The following KCNJ15 variants were observed in gnomAD, a reference collection of about 807,000 sequenced individuals.
KCNJ15 encodes potassium inwardly rectifying channel subfamily J member 15, also known as ATP-sensitive inward rectifier potassium channel 15.
Under a neutral mutation model 23.0 loss-of-function variants are expected in KCNJ15, and 14 were observed. The ratio of observed to expected loss-of-function variants is 0.61; its 90% confidence interval spans 0.40 to 0.95. The LOEUF is 0.95. Among genes scored for constraint, KCNJ15 ranks in the 40% least tolerant of loss-of-function variants. The pLI, the probability that KCNJ15 is intolerant of heterozygous loss-of-function variation, is 0.00. For missense variants in KCNJ15, 388 were observed against 461.8 expected (o/e 0.84, Z 1.46); for synonymous variants, 185 against 183.2 (o/e 1.01, Z -0.08).
chr21:38,249,036 T>A (rs989939540), intron 1 of KCNJ15, among the ~76,000 whole-genome samples: 6 of 152,148 alleles, frequency 3.9e-5, no homozygotes, highest in African/African-American at 1.4e-4. Context: ...TTTGAATCTA[T>A]AGCTAAGACC....
intron 1 of KCNJ15, among the ~76,000 whole-genome samples, chr21:38,266,001 C>T (rs925022803): frequency 1.1e-4 from 16 of 152,028 alleles, no homozygotes; most frequent in African/African-American, 3.4e-4. Context: ...TGCGGGAGGT[C>T]GGCAGTGTGC....
At chr21:38,247,398 A>G (rs1979495049) in intron 1 of KCNJ15, among the ~76,000 whole-genome samples, 1 of 150,664 alleles carries the variant, frequency 6.6e-6, no homozygotes, top group Admixed American at 6.6e-5. Context: ...GTATGGATAA[A>G]CGGATGGATA....
chr21:38,283,471 G>A (rs369457884), intron 1 of KCNJ15, among the ~76,000 whole-genome samples: 1 of 152,096 alleles, frequency 6.6e-6, no homozygotes, highest in East Asian at 1.9e-4. Flanking sequence ...AACATATTTA[G>A]CATTTTTTCA....
At chr21:38,276,920 T>C (rs1014689997) in intron 1 of KCNJ15, among the ~76,000 whole-genome samples, 13 of 152,056 alleles carry the variant, frequency 8.5e-5, no homozygotes, top group African/African-American at 2.9e-4. Flanking sequence ...GATTTTAAGA[T>C]ATTTCAATAT....
chr21:38,270,369 GC>G (rs1488803511), intron 1 of KCNJ15, among the ~76,000 whole-genome samples: 1 of 152,144 alleles, frequency 6.6e-6, no homozygotes, highest in Non-Finnish European at 1.5e-5. Context: ...CTGAGTGCAT[GC>G]AGCTCAGCAT....
At position 38,306,691 on chromosome 21, in the gene KCNJ15, T is replaced by C. The variant is rs1222709386; in HGVS notation, c.*6302T>C. 1 of 152,148 alleles carries C rather than the reference T, an allele frequency of 6.6e-6. No homozygotes were observed. The highest frequency in any genetic ancestry group is 1.5e-5 in the Non-Finnish European group (1 of 68,028). 9.4% of individuals were successfully genotyped at this position (152,148 alleles called of 1,614,324 possible). ...TGTGTTTGTGTACTGACACGAAGTG[T>C]TACGTAGCAGCCAGGAGAGGAAGGA... is the stretch of plus-strand genomic sequence containing the variant. On this transcript the variant is annotated 3_prime_UTR_variant, in exon 3 of 3. Coordinates refer to ENST00000398938, the MANE Select transcript of KCNJ15 (RefSeq NM_170736.3).
intron 1 of KCNJ15, among the ~76,000 whole-genome samples, chr21:38,263,711 T>A (rs1243589931): frequency 6.6e-6 from 1 of 152,106 alleles, no homozygotes; most frequent in Non-Finnish European, 1.5e-5. Context: ...AAAGAACATG[T>A]GTGATGTCCA....
At chr21:38,254,235 G>T (rs187864831), upstream of KCNJ15, among the ~76,000 whole-genome samples, 3 of 152,100 alleles carry the variant, frequency 2.0e-5, no homozygotes, top group Non-Finnish European at 4.4e-5. Context: ...TCACATAGAC[G>T]CGCATTTTAG....
At chr21:38,296,891 C>A (rs546294028) in intron 1 of KCNJ15, 35 bp from the exon 2 acceptor site, 53 of 152,728 alleles carry the variant, frequency 3.5e-4, no homozygotes, top group African/African-American at 1.3e-3. Context: ...CACTTGGTAA[C>A]CATCTATGAA....
At chr21:38,246,085 T>C (rs1224643720) in intron 1 of KCNJ15, among the ~76,000 whole-genome samples, 1 of 152,236 alleles carries the variant, frequency 6.6e-6, no homozygotes. Flanking sequence ...ATAGTCAATA[T>C]GCTATAAGAA....
upstream of KCNJ15, among the ~76,000 whole-genome samples, chr21:38,256,422 C>T (rs1338080799): frequency 3.5e-5 from 5 of 144,418 alleles, no homozygotes; most frequent in Non-Finnish European, 3.0e-5. Context: ...AAAATCAGCT[C>T]AATAAAGGGG....
chr21:38,235,151 T>G (rs148279358), intron 1 of KCNJ15, among the ~76,000 whole-genome samples: 217 of 152,380 alleles, frequency 1.4e-3, no homozygotes, highest in African/African-American at 5.0e-3. Context: ...CACTCTTTTT[T>G]GAAGGTTCTT....
intron 1 of KCNJ15, among the ~76,000 whole-genome samples, chr21:38,273,268 C>G (rs1265283199): frequency 2.0e-5 from 3 of 152,128 alleles, no homozygotes; most frequent in African/African-American, 7.2e-5. Flanking sequence ...CACATTATAC[C>G]TTAATTTTTC....
At chr21:38,278,485 T>C (rs973992885) in intron 1 of KCNJ15, among the ~76,000 whole-genome samples, 3 of 152,232 alleles carry the variant, frequency 2.0e-5, no homozygotes, top group African/African-American at 7.2e-5. Context: ...ATATTCATTC[T>C]CAACTAGTGG....
chr21:38,252,063 G>A (rs903996956), upstream of KCNJ15, among the ~76,000 whole-genome samples: 4 of 152,140 alleles, frequency 2.6e-5, no homozygotes, highest in Non-Finnish European at 5.9e-5. Flanking sequence ...AAGGACAAGG[G>A]GAGACAGGCG....
upstream of KCNJ15, chr21:38,256,800 C>T (rs939302836): frequency 6.6e-6 from 1 of 152,020 alleles, no homozygotes; most frequent in African/African-American, 2.4e-5. Context: ...TTGTAGATTT[C>T]CTTAAGACCT....
At chr21:38,274,865 A>G (rs974127917) in intron 1 of KCNJ15, among the ~76,000 whole-genome samples, 9 of 151,938 alleles carry the variant, frequency 5.9e-5, no homozygotes, top group African/African-American at 2.2e-4. Flanking sequence ...TTGCCCCTTC[A>G]GTTGCTTTCT....
intron 1 of KCNJ15, among the ~76,000 whole-genome samples, chr21:38,249,115 T>G (rs745514024): frequency 6.6e-6 from 1 of 152,110 alleles, no homozygotes; most frequent in Non-Finnish European, 1.5e-5. Context: ...ATATAACCAT[T>G]TAGTGTCCCA....
rs1321199766 is a variant in KCNJ15, at chr21:38,284,489, C to T, written c.-116-12437C>T. Among the ~76,000 whole-genome samples the T allele has an allele frequency of 2.0e-5, 3 of 152,178 alleles. 1 individual carries two copies. The highest frequency in any genetic ancestry group is 4.1e-4 in the South Asian group (2 of 4,828). On this transcript the variant is annotated intron_variant, in intron 1 of 2. Transcript: ENST00000398938. ...CTAGTAGCTCTCAAGCTACAAACACCGCCCTTGTCCATGCATCAGTAATTT... is the reference window on the plus strand; with the variant it reads ...CTAGTAGCTCTCAAGCTACAAACACTGCCCTTGTCCATGCATCAGTAATTT...
Sources: allele counts gnomAD v4.1 joint callset (sites outside exome capture counted in the v4.1 genomes callset), GRCh38; gene constraint gnomAD v4.1.1; transcripts MANE v1.5; gene names NCBI Gene and HGNC (gene_info 2026-07-23, HGNC 2026-07-21).